The following GON4L variants were observed in gnomAD, a reference collection of about 807,000 sequenced individuals.
GON4L encodes gon-4 like.
Under a neutral mutation model 211.8 loss-of-function variants are expected in GON4L, and 87 were observed. That is an observed-to-expected ratio of 0.41 (90% CI 0.35 to 0.49). The LOEUF (loss-of-function observed/expected upper bound fraction) is 0.49, where lower values mean the gene tolerates loss of function less well. GON4L is among the 20% of genes least tolerant of loss of function. GON4L has a pLI of 0.15. For missense variants in GON4L, 2,155 were observed against 2,659.5 expected (o/e 0.81, Z 4.17); for synonymous variants, 875 against 962.6 (o/e 0.91, Z 1.68).
At chr1:155,763,852 AATTAGTCAGGC>A (rs1337823718) in intron 21 of GON4L, among the ~76,000 whole-genome samples, 1 of 151,954 alleles carries the variant, frequency 6.6e-6, no homozygotes, top group East Asian at 1.9e-4. Context: ...AAAATACAGA[AATTAGTCAGGC>A]ATGGTGGTAC....
intron 1 of GON4L, among the ~76,000 whole-genome samples, chr1:155,856,403 C>CTTTTTTT (rs111851717): frequency 1.0e-4 from 15 of 143,296 alleles, no homozygotes; most frequent in Middle Eastern, 3.6e-3. Context: ...GACTTTTTTT[C>CTTTTTTT]TTTTTTTTTT....
intron 14 of GON4L, among the ~76,000 whole-genome samples, chr1:155,778,662 T>C (rs887746009): frequency 6.6e-6 from 1 of 152,106 alleles, no homozygotes; most frequent in Non-Finnish European, 1.5e-5. Flanking sequence ...ATCACCTTGG[T>C]ATTAAGTGCA....
intron 14 of GON4L, among the ~76,000 whole-genome samples, chr1:155,778,182 C>T (rs1288708478): frequency 6.6e-6 from 1 of 152,122 alleles, no homozygotes; most frequent in Non-Finnish European, 1.5e-5. Flanking sequence ...TTACTTGTTA[C>T]TCCCATCCCA....
intron 8 of GON4L, among the ~76,000 whole-genome samples, chr1:155,814,712 C>T (rs1668089701): frequency 6.6e-6 from 1 of 151,308 alleles, no homozygotes; most frequent in South Asian, 2.1e-4. Context: ...CGCCACTGCA[C>T]TCCAGCCTGG....
chr1:155,757,397 T>C (rs1661306974), intron 25 of GON4L, 74 bp from the exon 26 acceptor site: 1 of 1,295,028 alleles, frequency 7.7e-7, no homozygotes, highest in African/African-American at 1.5e-5. Context: ...CAATCCCACA[T>C]ACTTCCATGT....
chr1:155,752,074 C>G lies in GON4L; in HGVS notation c.6359G>C (p.Gly2120Ala). The change falls in exon 30 of 32, where the codon GGA (glycine) becomes GCA (alanine). Residue 2120 changes from glycine to alanine, a missense_variant. This residue lies in a region of GON4L where 186 missense variants were observed against 308.1 expected (regional missense o/e 0.60). Coordinates refer to ENST00000368331, the MANE Select transcript of GON4L (RefSeq NM_001282860.2). ...CCCCTCTGGACCCTTGGCCTGTGTT[C>G]CACTGTCTTTAGCCAAACCCCCTCT... ...APRGGLAKDS[G>A]TQAKGPEGEQ... 1 of 1,613,778 alleles carries G rather than the reference C, an allele frequency of 6.2e-7. No individual in the cohort carries two copies. Among genetic ancestry groups the G allele is most frequent in the Non-Finnish European group, 8.5e-7 (1 of 1,179,720 alleles).
At chr1:155,779,482 A>T (rs1664192397) in intron 14 of GON4L, among the ~76,000 whole-genome samples, 1 of 150,854 alleles carries the variant, frequency 6.6e-6, no homozygotes, top group Non-Finnish European at 1.5e-5. Context: ...ACACCCAGCT[A>T]ATTTTTGTAT....
intron 11 of GON4L, among the ~76,000 whole-genome samples, chr1:155,801,168 A>C (rs956637621): frequency 6.7e-6 from 1 of 150,244 alleles, no homozygotes; most frequent in Non-Finnish European, 1.5e-5. Context: ...CTTTTTGTGG[A>C]GATTTCTGAA....
At chr1:155,852,436 G>A (rs1002744660) in intron 2 of GON4L, among the ~76,000 whole-genome samples, 2 of 152,066 alleles carry the variant, frequency 1.3e-5, no homozygotes, top group African/African-American at 4.8e-5. Flanking sequence ...TAAAGGATGA[G>A]AGAATGGAAT....
Position 155,757,082 on chromosome 1 carries a change from G to T in GON4L, c.5398-5C>A. The T allele has an allele frequency of 6.2e-7, 1 of 1,613,938 alleles. No individual in the cohort carries two copies. The highest frequency in any genetic ancestry group is 8.5e-7 in the Non-Finnish European group (1 of 1,179,866). ...CACTTCTTCAAAGCCATCAAACTGA[G>T]AAGGAGTTGGTGCTGCTGAGCACAG... On this transcript the variant is annotated splice_polypyrimidine_tract_variant and splice_region_variant and intron_variant, in intron 26 of 31. Transcript: ENST00000368331.
intron 16 of GON4L, among the ~76,000 whole-genome samples, chr1:155,775,647 C>G (rs922973401): frequency 2.0e-5 from 3 of 152,026 alleles, no homozygotes; most frequent in Non-Finnish European, 4.4e-5. Flanking sequence ...TAAGTAGAGA[C>G]TGGATTTCAC....
chr1:155,760,978 T>C (rs956108412), intron 23 of GON4L, among the ~76,000 whole-genome samples: 1 of 152,200 alleles, frequency 6.6e-6, no homozygotes, highest in Non-Finnish European at 1.5e-5. Flanking sequence ...TGTTTGTACA[T>C]GTATTTCAGC....
chr1:155,838,724 T>A (rs1670525530), intron 2 of GON4L, among the ~76,000 whole-genome samples: 1 of 149,506 alleles, frequency 6.7e-6, no homozygotes, highest in African/African-American at 2.5e-5. Context: ...AAGCTAAGAT[T>A]ATGCCATTGC....
At chr1:155,762,086 T>G in intron 23 of GON4L, 104 bp downstream of exon 23, 1 of 860,398 alleles carries the variant, frequency 1.2e-6, no homozygotes, top group Non-Finnish European at 1.9e-6. Context: ...ATATGAAGCC[T>G]GTTGCATAGC....
rs578010256 is a variant in GON4L at position 155,790,800 on chromosome 1, T to C, written c.1747+4250A>G. Among the ~76,000 whole-genome samples, 3 of 150,192 alleles carry C rather than the reference T, an allele frequency of 2.0e-5. No homozygotes were observed. In the South Asian group the frequency reaches 6.3e-4, roughly 32 times the overall value. ...CTCTACTAAAAATACAAAAATTAGC[T>C]GGGCATGGTGGCGCGTGACTATAAT... On this transcript the variant is annotated intron_variant, in intron 12 of 31. Coordinates refer to ENST00000368331, the MANE Select transcript of GON4L (RefSeq NM_001282860.2).
intron 10 of GON4L, among the ~76,000 whole-genome samples, chr1:155,812,002 G>A (rs1667834849): frequency 6.6e-6 from 1 of 151,938 alleles, no homozygotes; most frequent in Non-Finnish European, 1.5e-5. Flanking sequence ...AGTGAGCTGA[G>A]GTCGCGCCAC....
upstream of GON4L, among the ~76,000 whole-genome samples, chr1:155,858,805 CAAGCG>C (rs1297371594): frequency 6.7e-6 from 1 of 149,680 alleles, no homozygotes; most frequent in Admixed American, 6.7e-5. Context: ...CTCCTGGGCT[CAAGCG>C]ATCCTCGTGT....
intron 3 of GON4L, among the ~76,000 whole-genome samples, chr1:155,824,637 A>G (rs1248790978): frequency 1.4e-5 from 2 of 146,616 alleles, no homozygotes; most frequent in African/African-American, 5.1e-5. Flanking sequence ...CCAGCTACTC[A>G]GGAGGCTGAG....
At chr1:155,842,942 C>G (rs1053922716) in intron 2 of GON4L, among the ~76,000 whole-genome samples, 2 of 152,150 alleles carry the variant, frequency 1.3e-5, no homozygotes, top group Admixed American at 6.5e-5. Context: ...ACTCCCACTG[C>G]TGTTAAACTT....
Sources: gnomAD v4.1 joint callset for allele counts (sites outside exome capture counted in the v4.1 genomes callset) on GRCh38, gnomAD v4.1.1 for gene constraint, gnomAD v4.1.1 regional missense constraint, MANE v1.5 for transcripts, NCBI Gene and HGNC (gene_info 2026-07-23, HGNC 2026-07-21) for gene names.